Variants in KIF3B observed in about 807,000 individuals in gnomAD.
The protein encoded by KIF3B is kinesin-like protein KIF3B.
KIF3B carries 38 observed loss-of-function variants against 74.3 expected under a neutral mutation model. The ratio of observed to expected loss-of-function variants is 0.51; its 90% CI spans 0.39 to 0.67. The LOEUF (loss-of-function observed/expected upper bound fraction) is 0.67. KIF3B is among the 30% of genes least tolerant of loss of function. The probability of loss-of-function intolerance (pLI) is 0.00; values close to 1 mark genes in which losing one functional copy is unlikely to be tolerated. For missense variants in KIF3B, 649 were observed against 932.0 expected (o/e 0.70, Z 3.95); for synonymous variants, 326 against 342.5 (o/e 0.95, Z 0.53).
At chr20:32,312,445 A>G (rs1159530148) in intron 2 of KIF3B, among the ~76,000 whole-genome samples, 1 of 151,922 alleles carries the variant, frequency 6.6e-6, no homozygotes, top group African/African-American at 2.4e-5. Flanking sequence ...TTCCCTCCCC[A>G]ACAGATAACC....
At chr20:32,323,723 C>A (rs2047888729) in intron 5 of KIF3B, among the ~76,000 whole-genome samples, 1 of 151,854 alleles carries the variant, frequency 6.6e-6, no homozygotes, top group South Asian at 2.1e-4. Context: ...ACTAAAAATA[C>A]AAGAATTAGC....
chr20:32,317,425 C>A (rs926225497), intron 5 of KIF3B, among the ~76,000 whole-genome samples: 5 of 152,180 alleles, frequency 3.3e-5, no homozygotes, highest in African/African-American at 9.7e-5. Context: ...TCTGGTCTTA[C>A]ATCTGTCTGA....
chr20:32,305,530 C>G (rs1331429147), intron 1 of KIF3B, among the ~76,000 whole-genome samples: 1 of 139,956 alleles, frequency 7.1e-6, no homozygotes, highest in Non-Finnish European at 1.5e-5. Flanking sequence ...AACTCTGTCT[C>G]TTTTTGTTTT....
intron 1 of KIF3B, among the ~76,000 whole-genome samples, chr20:32,296,922 G>A (rs879610502): frequency 1.3e-5 from 2 of 152,042 alleles, no homozygotes; most frequent in Non-Finnish European, 1.5e-5. Flanking sequence ...TGCTTTCATG[G>A]TGTGGTTCAG....
At chr20:32,295,751 G>T (rs1041661882) in intron 1 of KIF3B, among the ~76,000 whole-genome samples, 1 of 151,584 alleles carries the variant, frequency 6.6e-6, no homozygotes, top group African/African-American at 2.4e-5. Flanking sequence ...GGACCTAATA[G>T]AAACTGTTTT....
chr20:32,290,825 G>C lies in KIF3B; in HGVS notation c.-66+13060G>C, dbSNP rs974521483. Among the ~76,000 whole-genome samples, 4 of 151,400 alleles carry C rather than the reference G, an allele frequency of 2.6e-5. No homozygotes were observed. In the South Asian group the frequency reaches 8.3e-4, roughly 32 times the overall value. On this transcript the variant is annotated intron_variant, in intron 1 of 8. Transcript: ENST00000375712. Reference sequence around the variant, plus strand: ...GCCTAGGAGTTCAAGGATGCAGTGAGCTGTGATTGCACCACTGCACTCCAG... The same window carrying C: ...GCCTAGGAGTTCAAGGATGCAGTGACCTGTGATTGCACCACTGCACTCCAG...
intron 2 of KIF3B, among the ~76,000 whole-genome samples, chr20:32,315,305 C>T (rs1170548677): frequency 1.3e-5 from 2 of 152,210 alleles, no homozygotes; most frequent in African/African-American, 2.4e-5. Context: ...TTCCCACCTT[C>T]CCCTCACAAA....
At chr20:32,318,432 G>C (rs2047839428) in intron 5 of KIF3B, among the ~76,000 whole-genome samples, 1 of 151,940 alleles carries the variant, frequency 6.6e-6, no homozygotes, top group South Asian at 2.1e-4. Context: ...TCCTCTAAAA[G>C]AAACTCTACC....
intron 5 of KIF3B, among the ~76,000 whole-genome samples, chr20:32,318,762 A>G (rs375348985): frequency 1.3e-5 from 2 of 152,182 alleles, no homozygotes; most frequent in Non-Finnish European, 2.9e-5. Context: ...GTCTTTGGCT[A>G]TTATGGATAA....
chr20:32,310,472 G>A lies in KIF3B; in HGVS notation c.695G>A (p.Gly232Asp). The change falls in exon 2 of 9, where the codon GGT becomes GAT. Residue 232 changes from glycine to aspartate, a missense_variant. Coordinates refer to ENST00000375712, the MANE Select transcript of KIF3B (RefSeq NM_004798.4). The surrounding 1 kb of genome is among the most constrained non-coding windows in gnomAD (Gnocchi z 6.5). ...GAGTGCAGCGAGGTGGGCCTCGATGGTGAAAACCACATCCGTGTAGGAAAA... is the reference window on the plus strand; with the variant it reads ...GAGTGCAGCGAGGTGGGCCTCGATGATGAAAACCACATCCGTGTAGGAAAA... ...TIECSEVGLD[G>D]ENHIRVGKLN... is the part of the protein sequence containing the mutation. 1.2e-6 allele frequency: 2 copies of A among 1,613,956 alleles called. No homozygotes were observed. Among genetic ancestry groups the A allele is most frequent in the Non-Finnish European group, 8.5e-7 (1 of 1,180,038 alleles).
Position 32,310,728 on chromosome 20 carries a change from G to A in KIF3B, c.951G>A (p.Val317=). Reference sequence around the variant, plus strand: ...CCAAGACTGTGATGGTGGCCAACGTGGGGCCTGCCTCTTACAACGTAGAAG... The same window carrying A: ...CCAAGACTGTGATGGTGGCCAACGTAGGGCCTGCCTCTTACAACGTAGAAG... ...GNAKTVMVAN[V]GPASYNVEET... The change falls in exon 2 of 9, where the codon GTG becomes GTA. Residue 317 remains valine (V), a synonymous_variant. Transcript: ENST00000375712. This position sits in a 1 kb window ranked among gnomAD's most constrained non-coding sequence, Gnocchi z 6.5. The A allele has an allele frequency of 6.2e-7, 1 of 1,614,132 alleles. No homozygotes were observed. The highest frequency in any genetic ancestry group is 1.1e-5 in the South Asian group (1 of 91,080).
At chr20:32,327,171 CTAGGT>C (rs1232495725) in intron 6 of KIF3B, among the ~76,000 whole-genome samples, 2 of 152,072 alleles carry the variant, frequency 1.3e-5, no homozygotes, top group Non-Finnish European at 2.9e-5. Context: ...GTGAAGTATG[CTAGGT>C]CACGTAAGGG....
At chr20:32,313,471 G>A (rs1468263940) in intron 2 of KIF3B, among the ~76,000 whole-genome samples, 1 of 152,066 alleles carries the variant, frequency 6.6e-6, no homozygotes. Context: ...TTTAATCAGT[G>A]GCTTCATAGT....
rs746803524 is a variant in KIF3B, at chr20:32,330,299, A to C, written c.2127A>C (p.Ala709=). 1.2e-6 allele frequency: 2 copies of C among 1,614,122 alleles called. No homozygotes were observed. Among genetic ancestry groups the C allele is most frequent in the East Asian group, 2.2e-5 (1 of 44,884 alleles). ...ATGCATCATCATTTGAAAGCACTGC[A>C]AATAAGAAATCCAAGGCCAGGTGAG... ...QVDASSFEST[A]NKKSKARPKS... is the part of the protein sequence containing the mutation. Residue 709 remains alanine (A), a synonymous_variant, in exon 8 of 9, where the codon GCA becomes GCC. Transcript: ENST00000375712.
At chr20:32,281,747 AAAAAG>A (rs1478770155) in intron 1 of KIF3B, among the ~76,000 whole-genome samples, 2 of 152,138 alleles carry the variant, frequency 1.3e-5, no homozygotes, top group Non-Finnish European at 2.9e-5. Flanking sequence ...AAACAAAAAG[AAAAAG>A]AAAAGGCCTT....
chr20:32,307,727 C>T (rs1167379736), intron 1 of KIF3B, among the ~76,000 whole-genome samples: 1 of 151,542 alleles, frequency 6.6e-6, no homozygotes, highest in Non-Finnish European at 1.5e-5. Flanking sequence ...GTCAGAAGAT[C>T]GAGACCACAG....
intron 1 of KIF3B, among the ~76,000 whole-genome samples, chr20:32,288,862 A>G (rs542575215): frequency 1.4e-3 from 217 of 152,292 alleles, no homozygotes; most frequent in African/African-American, 4.7e-3. Flanking sequence ...ACTTTTGAAG[A>G]GGGATTTTTC....
intron 1 of KIF3B, among the ~76,000 whole-genome samples, chr20:32,289,792 C>T (rs904259914): frequency 3.3e-5 from 5 of 152,080 alleles, no homozygotes; most frequent in African/African-American, 7.2e-5. Flanking sequence ...CAGAAACAAT[C>T]GGATTATTGA....
chr20:32,284,820 A>G (rs1401675824), intron 1 of KIF3B, among the ~76,000 whole-genome samples: 1 of 152,230 alleles, frequency 6.6e-6, no homozygotes, highest in Non-Finnish European at 1.5e-5. Flanking sequence ...AGTCGTAGCT[A>G]AGATACATTA....
Sources: gnomAD v4.1 joint callset for allele counts (sites outside exome capture counted in the v4.1 genomes callset) on GRCh38, gnomAD v4.1.1 for gene constraint, Gnocchi (gnomAD v3.1) non-coding constraint, MANE v1.5 for transcripts, NCBI Gene and HGNC (gene_info 2026-07-23, HGNC 2026-07-21) for gene names.